BAZ1A: variants seen among roughly 807,000 people sequenced by gnomAD.
BAZ1A encodes the protein bromodomain adjacent to zinc finger domain 1A.
Under a neutral mutation model 185.2 loss-of-function variants are expected in BAZ1A, and 50 were observed. That is an observed-to-expected ratio of 0.27 (90% CI 0.22 to 0.34). The LOEUF (loss-of-function observed/expected upper bound fraction) is 0.34, where lower values mean the gene tolerates loss of function less well. Ranked by LOEUF, BAZ1A falls within the 10% of genes least tolerant of loss-of-function variation. The probability of loss-of-function intolerance (pLI) is 1.00; values close to 1 mark genes in which losing one functional copy is unlikely to be tolerated. For synonymous variants in BAZ1A, 571 were observed against 615.6 expected (o/e 0.93, Z 1.07); for missense variants, 1,356 against 1,839.9 (o/e 0.74, Z 4.81).
At chr14:34,817,724 A>G (rs780498731) in intron 4 of BAZ1A, among the ~76,000 whole-genome samples, 25 of 152,228 alleles carry the variant, frequency 1.6e-4, no homozygotes, top group Non-Finnish European at 2.4e-4. Flanking sequence ...AAATGGCCAT[A>G]AGCACATGAA....
At chr14:34,774,099 G>A (rs1179996857) in intron 19 of BAZ1A, among the ~76,000 whole-genome samples, 3 of 152,146 alleles carry the variant, frequency 2.0e-5, no homozygotes, top group Admixed American at 2.0e-4. Context: ...GAAGGCAGGG[G>A]CTAGTCAAGG....
chr14:34,772,817 C>T (rs968773222), intron 20 of BAZ1A, among the ~76,000 whole-genome samples: 3 of 152,240 alleles, frequency 2.0e-5, no homozygotes, highest in Admixed American at 1.3e-4. Flanking sequence ...ATCACAAGGT[C>T]AGGAGATCAA....
chr14:34,857,765 A>C (rs997836690), intron 3 of BAZ1A, among the ~76,000 whole-genome samples: 5 of 152,178 alleles, frequency 3.3e-5, no homozygotes, highest in African/African-American at 1.2e-4. Flanking sequence ...CAGCCAGAGC[A>C]ATATTTTAAA....
At chr14:34,800,444 CA>C (rs1421785440) in intron 8 of BAZ1A, 54 bp from the exon 9 acceptor site, 17 of 1,346,032 alleles carry the variant, frequency 1.3e-5, no homozygotes, top group Non-Finnish European at 1.7e-5. Flanking sequence ...TAACACTTGG[CA>C]ATTTTTTTGA....
intron 2 of BAZ1A, among the ~76,000 whole-genome samples, chr14:34,871,018 AACTC>A (rs1278018184): frequency 3.3e-5 from 5 of 152,236 alleles, no homozygotes; most frequent in African/African-American, 9.6e-5. Flanking sequence ...TTGAAGGCTG[AACTC>A]ACTCAAAGAT....
Position 34,776,507 on chromosome 14 carries a change from C to T in BAZ1A, c.2245G>A (p.Gly749Arg), listed in dbSNP as rs1304821133. Residue 749 changes from glycine to arginine, a missense_variant, in exon 18 of 27, where the codon GGA becomes AGA. Physicochemically the swap from Gly to Arg is moderately radical, Grantham distance 125. This residue lies in a region of BAZ1A where 434 missense variants were observed against 561.7 expected (regional missense o/e 0.77). Transcript: ENST00000360310. ...GTAAATTCTTTAAATCCATTTTGTC[C>T]TCTTTTCCCTGTAATTAAAATAAAA... is the stretch of plus-strand genomic sequence containing the variant. ...SHKRGRRGKR[G>R]QNGFKEFTRQ... The T allele has an allele frequency of 6.4e-7, 1 of 1,570,800 alleles. No homozygotes were observed. Among genetic ancestry groups the T allele is most frequent in the Non-Finnish European group, 8.6e-7 (1 of 1,163,880 alleles).
At chr14:34,793,070 C>A in intron 11 of BAZ1A, 149 bp from the exon 12 acceptor site, 2 of 707,388 alleles carry the variant, frequency 2.8e-6, no homozygotes, top group Non-Finnish European at 4.3e-6. Context: ...ATTATCCAAG[C>A]CAAAATAAGA....
chr14:34,768,461 C>T (rs183472581), intron 21 of BAZ1A, among the ~76,000 whole-genome samples: 1 of 152,224 alleles, frequency 6.6e-6, no homozygotes, highest in Admixed American at 6.5e-5. Flanking sequence ...TGTCAACTTT[C>T]TATATGCCAA....
chr14:34,802,196 C>T (rs1881607621), intron 7 of BAZ1A, among the ~76,000 whole-genome samples: 1 of 152,098 alleles, frequency 6.6e-6, no homozygotes, highest in Non-Finnish European at 1.5e-5. Flanking sequence ...AAGAATGTCT[C>T]TAACCTAATT....
chr14:34,803,664 A>G (rs557917699), intron 6 of BAZ1A, among the ~76,000 whole-genome samples: 24 of 152,310 alleles, frequency 1.6e-4, no homozygotes, highest in African/African-American at 5.0e-4. Context: ...GTAAATGAAT[A>G]ATCAATCCAT....
chr14:34,865,595 C>G (rs537761061), intron 2 of BAZ1A, among the ~76,000 whole-genome samples: 1 of 151,988 alleles, frequency 6.6e-6, no homozygotes, highest in Non-Finnish European at 1.5e-5. Flanking sequence ...AAGGTATCTA[C>G]GGAAATAAAG....
chr14:34,851,849 C>T (rs545528768), intron 3 of BAZ1A, among the ~76,000 whole-genome samples: 4 of 152,136 alleles, frequency 2.6e-5, no homozygotes, highest in South Asian at 2.1e-4. Context: ...CCACATAGGC[C>T]GGGCGTGGTG....
intron 2 of BAZ1A, among the ~76,000 whole-genome samples, chr14:34,866,169 C>G (rs1191744196): frequency 6.6e-6 from 1 of 152,068 alleles, no homozygotes; most frequent in Non-Finnish European, 1.5e-5. Flanking sequence ...GCCTGAGTGA[C>G]AGAGCACAAC....
At chr14:34,770,351 C>T (rs1879130880) in intron 21 of BAZ1A, among the ~76,000 whole-genome samples, 2 of 152,158 alleles carry the variant, frequency 1.3e-5, no homozygotes, top group South Asian at 4.1e-4. Context: ...CGGGGTTTCA[C>T]CATGTTGGTC....
chr14:34,799,772 C>T (rs746210781), intron 9 of BAZ1A, among the ~76,000 whole-genome samples: 9 of 151,960 alleles, frequency 5.9e-5, no homozygotes, highest in African/African-American at 2.2e-4. Flanking sequence ...CTACCATGCC[C>T]GGCTAAGTTT....
At chr14:34,840,587 C>G (rs549915535) in intron 3 of BAZ1A, among the ~76,000 whole-genome samples, 2 of 152,022 alleles carry the variant, frequency 1.3e-5, no homozygotes, top group Non-Finnish European at 1.5e-5. Context: ...GGTGAAATCT[C>G]GTTTCTACTA....
intron 11 of BAZ1A, 145 bp from the exon 12 acceptor site, chr14:34,793,066 C>A: frequency 1.4e-6 from 1 of 734,486 alleles, no homozygotes; most frequent in Non-Finnish European, 2.1e-6. Context: ...AAGTATTATC[C>A]AAGCCAAAAT....
At chr14:34,838,991 T>C (rs780954639) in intron 3 of BAZ1A, among the ~76,000 whole-genome samples, 3 of 152,290 alleles carry the variant, frequency 2.0e-5, no homozygotes, top group East Asian at 1.9e-4. Flanking sequence ...TACACAAAGC[T>C]ACAGTAATGA....
chr14:34,762,171 T>C lies in BAZ1A; in HGVS notation c.3829A>G (p.Lys1277Glu). ...CGACTTGAGAAAGAAGAGCTAAGTT[T>C]CCCTCTTGTTTTAACTGGCAATCTA... Reference protein sequence around the residue: ...QVRLPVKTRGKLSSSFSSRGQ... With the variant: ...QVRLPVKTRGELSSSFSSRGQ... Residue 1277 changes from lysine to glutamate, a missense_variant, in exon 24 of 27, where the codon AAA becomes GAA. Physicochemically the swap from Lys to Glu is moderately conservative, Grantham distance 56. Transcript: ENST00000360310. 6.2e-7 allele frequency: 1 copy of C among 1,614,190 alleles called. No homozygotes were observed. The highest frequency in any genetic ancestry group is 8.5e-7 in the Non-Finnish European group (1 of 1,180,026).
Sources: allele counts gnomAD v4.1 joint callset (sites outside exome capture counted in the v4.1 genomes callset), GRCh38; gene constraint gnomAD v4.1.1; regional missense constraint gnomAD v4.1.1; transcripts MANE v1.5; gene names NCBI Gene and HGNC (gene_info 2026-07-23, HGNC 2026-07-21).